Variants in CR1 observed in about 807,000 individuals in gnomAD.
CR1 encodes complement receptor type 1.
Under a neutral mutation model 187.3 loss-of-function variants are expected in CR1, and 116 were observed. The observed-to-expected ratio is 0.62, with a 90% CI of 0.53 to 0.72. The LOEUF (loss-of-function observed/expected upper bound fraction) is 0.72, where lower values mean the gene tolerates loss of function less well. Ranked by LOEUF, CR1 falls within the 30% of genes least tolerant of loss-of-function variation. The pLI, the probability that CR1 is intolerant of heterozygous loss-of-function variation, is 0.00. For missense variants in CR1, 1,731 were observed against 2,110.7 expected (o/e 0.82, Z 3.52); for synonymous variants, 576 against 747.1 (o/e 0.77, Z 3.73).
chr1:207,611,925 AT>A lies in CR1; in HGVS notation c.6473-8del, dbSNP rs752705106. ...ATGGAGGACTTACTCCTGTTGTTTT[AT>A]TTTTTCTTCTAGTGAAATCCTGTGA... On this transcript the variant is annotated splice_polypyrimidine_tract_variant and intron_variant, in intron 38 of 46. Transcript: ENST00000367049. 1.9e-5 allele frequency: 31 copies of A among 1,613,436 alleles called. 1 individual carries two copies. In the South Asian group the frequency reaches 3.1e-4, roughly 16 times the overall value.
Position 207,580,380 on chromosome 1 carries a change from C to T in CR1, c.5077C>T (p.Gln1693Ter). The change falls in exon 30 of 47, where the codon CAG becomes TAG. Residue 1693 changes from glutamine to a stop codon, truncating the protein, a stop_gained. Transcript: ENST00000367049. LOFTEE classifies it high-confidence loss of function. ...RGAASLHCTP[Q>*]GDWSPEAPRC... ...GGCTGCGTCTCTGCACTGCACACCC[C>T]AGGGAGACTGGAGCCCTGAAGCCCC... is the stretch of plus-strand genomic sequence containing the variant. 1 of 1,613,962 alleles carries T rather than the reference C, an allele frequency of 6.2e-7. No individual in the cohort carries two copies. The highest frequency in any genetic ancestry group is 8.5e-7 in the Non-Finnish European group (1 of 1,179,864).
intron 4 of CR1, among the ~76,000 whole-genome samples, chr1:207,522,909 AG>A (rs1660042733): frequency 6.6e-6 from 1 of 152,222 alleles, no homozygotes; most frequent in Non-Finnish European, 1.5e-5. Context: ...AAATGTATTT[AG>A]GGGTTTTTGT....
At chr1:207,620,410 C>G (rs1241428104) in intron 43 of CR1, among the ~76,000 whole-genome samples, 1 of 152,322 alleles carries the variant, frequency 6.6e-6, no homozygotes, top group East Asian at 1.9e-4. Flanking sequence ...CGGCCTGTCT[C>G]CCTCACTACT....
At position 207,598,452 on chromosome 1, in the gene CR1, G is replaced by A. The variant is rs554679673; in HGVS notation, c.5811-8799G>A. Among the ~76,000 whole-genome samples, 9 of 149,384 alleles carry A rather than the reference G, an allele frequency of 6.0e-5. No homozygotes were observed. The East Asian group carries it at 1.2e-3, about 19-fold the overall frequency. On this transcript the variant is annotated intron_variant, in intron 35 of 46. Coordinates refer to ENST00000367049, the MANE Select transcript of CR1 (RefSeq NM_000651.6). Reference sequence around the variant, plus strand: ...TTTTTTTCTTTTGAGATGGAGTCTCGCTCTGTCACCAGGCTGGAGTGCAGT... The same window carrying A: ...TTTTTTTCTTTTGAGATGGAGTCTCACTCTGTCACCAGGCTGGAGTGCAGT...
intron 35 of CR1, among the ~76,000 whole-genome samples, chr1:207,605,337 C>CCACACACACACA (rs61201153): frequency 0.018 from 2,511 of 142,722 alleles, 34 homozygotes; most frequent in Non-Finnish European, 0.025. Flanking sequence ...AATATTCTCA[C>CCACACACACACA]CACACACACA....
chr1:207,504,397 A>G (rs1183194996), intron 1 of CR1, among the ~76,000 whole-genome samples: 2 of 152,304 alleles, frequency 1.3e-5, no homozygotes, highest in Non-Finnish European at 2.9e-5. Flanking sequence ...TAGCAATTTA[A>G]ATTTTTATAA....
chr1:207,636,611 G>C (rs1046571709), intron 46 of CR1, among the ~76,000 whole-genome samples: 18 of 151,986 alleles, frequency 1.2e-4, no homozygotes, highest in African/African-American at 4.4e-4. Flanking sequence ...GAATTTTTTT[G>C]CCAATCATTA....
In CR1 at chr1:207,619,998, A is replaced by C; in HGVS notation, c.7185A>C (p.Glu2395Asp). 6.2e-7 allele frequency: 1 copy of C among 1,613,902 alleles called. No homozygotes were observed. Among genetic ancestry groups the C allele is most frequent in the Non-Finnish European group, 8.5e-7 (1 of 1,179,868 alleles). ...AGTGTGAAGATGGGTATACTCTGGA[A>C]GGCAGTCCCTGGAGCCAGTGCCAGG... ...TLKCEDGYTL[E>D]GSPWSQCQAD... Residue 2395 changes from glutamate (E) to aspartate (D), a missense_variant, in exon 43 of 47, where the codon GAA (glutamate) becomes GAC (aspartate). Coordinates refer to ENST00000367049, the MANE Select transcript of CR1 (RefSeq NM_000651.6).
chr1:207,508,939 T>C (rs1163892837), intron 3 of CR1, among the ~76,000 whole-genome samples: 1 of 152,228 alleles, frequency 6.6e-6, no homozygotes, highest in Non-Finnish European at 1.5e-5. Flanking sequence ...TGTCCTCCAC[T>C]TTGGAGTGCT....
chr1:207,602,874 A>G (rs1661644342), intron 35 of CR1, among the ~76,000 whole-genome samples: 1 of 152,154 alleles, frequency 6.6e-6, no homozygotes, highest in African/African-American at 2.4e-5. Context: ...ACCAAATAGA[A>G]TATAAGGAGG....
At chr1:207,604,108 C>T (rs895900055) in intron 35 of CR1, among the ~76,000 whole-genome samples, 1 of 152,106 alleles carries the variant, frequency 6.6e-6, no homozygotes, top group Admixed American at 6.5e-5. Context: ...TGGGCAAAAA[C>T]GGCATTTTAT....
chr1:207,515,304 C>CTA (rs1054143138), intron 4 of CR1, among the ~76,000 whole-genome samples: 35 of 147,790 alleles, frequency 2.4e-4, no homozygotes, highest in African/African-American at 4.2e-4. Flanking sequence ...TATATACACA[C>CTA]TATATATATA....
At chr1:207,524,083 T>A (rs1660089190) in intron 5 of CR1, 74 bp downstream of exon 5, 1 of 1,611,424 alleles carries the variant, frequency 6.2e-7, no homozygotes, top group East Asian at 2.2e-5. Flanking sequence ...TTAGTATTTG[T>A]TCAGGGGGAG....
rs1282328108 is a variant in CR1, at chr1:207,641,624, T to C, written c.*2215T>C. 6.6e-6 allele frequency: 1 copy of C among 152,260 alleles called. No individual in the cohort carries two copies. Among genetic ancestry groups the C allele is most frequent in the African/African-American group, 2.4e-5 (1 of 41,468 alleles). 9.4% of individuals were successfully genotyped at this position (152,260 alleles called of 1,614,324 possible). ...GGACACCAATTGCCCTATGAAGCTA[T>C]TGCTAGTCCTAACATTCTTTGTTTT... On this transcript the variant is annotated 3_prime_UTR_variant, in exon 47 of 47. Transcript: ENST00000367049.
intron 35 of CR1, among the ~76,000 whole-genome samples, chr1:207,593,685 G>C (rs1661345254): frequency 6.6e-6 from 1 of 152,102 alleles, no homozygotes; most frequent in African/African-American, 2.4e-5. Flanking sequence ...CTACAGAATG[G>C]GAGAAAATTT....
chr1:207,519,511 A>C (rs2102300553), intron 4 of CR1, among the ~76,000 whole-genome samples: 1 of 152,286 alleles, frequency 6.6e-6, no homozygotes, highest in East Asian at 1.9e-4. Context: ...TCCTTGATTT[A>C]CTATAGTCTG....
chr1:207,517,639 G>T (rs1416004653), intron 4 of CR1, among the ~76,000 whole-genome samples: 1 of 151,956 alleles, frequency 6.6e-6, no homozygotes, highest in East Asian at 1.9e-4. Context: ...TGGACCTGAG[G>T]GTTTGTTGTT....
At chr1:207,632,571 G>A (rs1233026891) in intron 46 of CR1, among the ~76,000 whole-genome samples, 1 of 152,114 alleles carries the variant, frequency 6.6e-6, no homozygotes, top group Non-Finnish European at 1.5e-5. Flanking sequence ...AGTGGATCAT[G>A]AGTCAGGAGA....
At chr1:207,510,341 CTATT>C (rs1405382865) in intron 3 of CR1, among the ~76,000 whole-genome samples, 2 of 152,208 alleles carry the variant, frequency 1.3e-5, no homozygotes, top group African/African-American at 4.8e-5. Context: ...TGTTCTCTCA[CTATT>C]TATTTGATCT....
Sources: gnomAD v4.1 joint callset for allele counts (sites outside exome capture counted in the v4.1 genomes callset) on GRCh38, gnomAD v4.1.1 for gene constraint, MANE v1.5 for transcripts, NCBI Gene and HGNC (gene_info 2026-07-23, HGNC 2026-07-21) for gene names.